The following ARHGAP10 variants were observed in gnomAD, a reference collection of about 807,000 sequenced individuals.
ARHGAP10 encodes the protein Rho GTPase activating protein 10.
A neutral mutation model predicts 108.6 loss-of-function variants in ARHGAP10; 87 were observed. That is an observed-to-expected ratio of 0.80 (90% CI 0.67 to 0.96). The LOEUF is 0.96. ARHGAP10 is among the 40% of genes least tolerant of loss of function. ARHGAP10 has a pLI of 0.00. For missense variants in ARHGAP10, 939 were observed against 954.5 expected, an observed-to-expected ratio of 0.98 and a Z score of 0.21; for synonymous variants, 347 against 341.1, an observed-to-expected ratio of 1.02 and a Z score of -0.19.
chr4:147,748,709 G>C (rs1468819431), intron 1 of ARHGAP10, among the ~76,000 whole-genome samples: 1 of 152,154 alleles, frequency 6.6e-6, no homozygotes, highest in Non-Finnish European at 1.5e-5. Flanking sequence ...TGTGGCTCAG[G>C]CCTGTAATTC....
intron 11 of ARHGAP10, 105 bp from the exon 12 acceptor site, chr4:147,909,627 A>G (rs767917549): frequency 3.3e-5 from 31 of 948,184 alleles, no homozygotes; most frequent in Non-Finnish European, 4.8e-5. Flanking sequence ...ACCAGAATCA[A>G]GCTTATAAAA....
intron 15 of ARHGAP10, among the ~76,000 whole-genome samples, chr4:147,954,167 C>T (rs186254987): frequency 1.7e-4 from 26 of 152,018 alleles, no homozygotes; most frequent in African/African-American, 5.8e-4. Flanking sequence ...AATGTGTGTT[C>T]TGCTTTTGAG....
intron 18 of ARHGAP10, among the ~76,000 whole-genome samples, chr4:148,010,300 G>T (rs1333914029): frequency 6.6e-6 from 1 of 152,152 alleles, no homozygotes; most frequent in Non-Finnish European, 1.5e-5. Flanking sequence ...ACTCTTTCAA[G>T]ACCACAGTGC....
chr4:148,014,345 T>C, intron 18 of ARHGAP10, among the ~76,000 whole-genome samples: 1 of 152,212 alleles, frequency 6.6e-6, no homozygotes, highest in Non-Finnish European at 1.5e-5. Context: ...TGCTGTGTTT[T>C]CCAAATGTTT....
chr4:148,054,150 C>T (rs558676030), intron 20 of ARHGAP10, among the ~76,000 whole-genome samples: 1 of 152,280 alleles, frequency 6.6e-6, no homozygotes, highest in South Asian at 2.1e-4. Context: ...TTGGCTGTGT[C>T]TCAATATCTA....
At chr4:147,946,541 AGCT>A in intron 14 of ARHGAP10, 73 bp from the exon 15 acceptor site, 1 of 1,245,332 alleles carries the variant, frequency 8.0e-7, no homozygotes, top group Non-Finnish European at 1.1e-6. Flanking sequence ...TAAAAATGGA[AGCT>A]TTGTGAGCTA....
chr4:147,960,202 TG>T (rs1293026732), intron 16 of ARHGAP10, among the ~76,000 whole-genome samples: 1 of 152,248 alleles, frequency 6.6e-6, no homozygotes, highest in East Asian at 1.9e-4. Context: ...GTTGTGTTTT[TG>T]TTTCTGGTGA....
chr4:147,756,482 C>T (rs1729376665), intron 1 of ARHGAP10, among the ~76,000 whole-genome samples: 1 of 152,152 alleles, frequency 6.6e-6, no homozygotes, highest in African/African-American at 2.4e-5. Context: ...CCATAGTCCC[C>T]CTTATCCGTG....
At chr4:147,963,802 G>A (rs532040322) in intron 16 of ARHGAP10, among the ~76,000 whole-genome samples, 20 of 152,296 alleles carry the variant, frequency 1.3e-4, no homozygotes, top group African/African-American at 3.4e-4. Flanking sequence ...GTTGCTGGCC[G>A]TCCTTAGTAT....
At chr4:147,768,929 G>C (rs924530208) in intron 1 of ARHGAP10, among the ~76,000 whole-genome samples, 3 of 151,910 alleles carry the variant, frequency 2.0e-5, no homozygotes, top group Non-Finnish European at 4.4e-5. Flanking sequence ...GTGGAGACAG[G>C]GTTTCACCAT....
At chr4:147,958,550 A>G (rs1418766780) in intron 16 of ARHGAP10, among the ~76,000 whole-genome samples, 2 of 152,210 alleles carry the variant, frequency 1.3e-5, no homozygotes, top group African/African-American at 4.8e-5. Flanking sequence ...AAATCATGTG[A>G]TTCTTGCTGG....
At chr4:147,965,634 A>C (rs1044988913) in intron 17 of ARHGAP10, among the ~76,000 whole-genome samples, 78 of 152,244 alleles carry the variant, frequency 5.1e-4, no homozygotes, top group Non-Finnish European at 5.9e-4. Context: ...AGGAAGCTGA[A>C]GAACGCTATA....
chr4:147,967,954 A>G (rs974533305), intron 18 of ARHGAP10, among the ~76,000 whole-genome samples: 3 of 152,236 alleles, frequency 2.0e-5, no homozygotes, highest in African/African-American at 7.2e-5. Context: ...CTTTATTAAG[A>G]ACTTAGGAGA....
intron 4 of ARHGAP10, 36 bp downstream of exon 4, chr4:147,847,258 G>GATGC (rs1733673934): frequency 6.5e-7 from 1 of 1,536,576 alleles, no homozygotes; most frequent in Admixed American, 1.7e-5. Flanking sequence ...AGAAAACATA[G>GATGC]ATGCCTCTGC....
At chr4:148,060,641 ACT>A (rs768580653) in intron 20 of ARHGAP10, among the ~76,000 whole-genome samples, 345 of 152,198 alleles carry the variant, frequency 2.3e-3, no homozygotes, top group South Asian at 5.8e-3. Context: ...CTCCATAGAC[ACT>A]GTCTCCAGCC....
chr4:147,823,437 A>G (rs1043367784), intron 3 of ARHGAP10, among the ~76,000 whole-genome samples: 6 of 152,306 alleles, frequency 3.9e-5, no homozygotes, highest in Admixed American at 1.3e-4. Flanking sequence ...CTTTGCATCA[A>G]GATTCATGAT....
In ARHGAP10 at chr4:147,757,435, A is replaced by G. The variant is rs955116296; in HGVS notation, c.154+24980A>G. On this transcript the variant is annotated intron_variant, in intron 1 of 22. Transcript: ENST00000336498. The stretch of plus-strand genomic sequence containing the variant: ...GGTCTTGAACTCCTGAGCTCAGGCA[A>G]TCTGCCCGCCTCGGCCTTCCAAAGT... Among the ~76,000 whole-genome samples the G allele has an allele frequency of 2.6e-5, 4 of 152,072 alleles. No homozygotes were observed. The East Asian group carries it at 5.8e-4, about 22-fold the overall frequency.
At chr4:148,007,720 C>T (rs1741005134) in intron 18 of ARHGAP10, among the ~76,000 whole-genome samples, 1 of 152,168 alleles carries the variant, frequency 6.6e-6, no homozygotes. Context: ...CTGAGATATA[C>T]TTTCTTCTCA....
At chr4:147,839,130 A>ATCTGTCTGTCTGTCTG (rs1421305286) in intron 3 of ARHGAP10, among the ~76,000 whole-genome samples, 6 of 147,886 alleles carry the variant, frequency 4.1e-5, no homozygotes, top group African/African-American at 1.5e-4. Flanking sequence ...CTATCTATCT[A>ATCTGTCTGTCTGTCTG]TCTATCTATC....
Sources: gnomAD v4.1 joint callset for allele counts (sites outside exome capture counted in the v4.1 genomes callset) on GRCh38, gnomAD v4.1.1 for gene constraint, MANE v1.5 for transcripts, NCBI Gene and HGNC (gene_info 2026-07-23, HGNC 2026-07-21) for gene names.